The following AKAP13 variants were observed in gnomAD, a reference collection of about 807,000 sequenced individuals.
AKAP13 encodes A-kinase anchor protein 13.
In AKAP13, 80 loss-of-function variants were observed where a neutral mutation model predicts 264.5. That is an observed-to-expected ratio of 0.30 (90% confidence interval 0.25 to 0.36). The LOEUF is 0.36. Ranked by LOEUF, AKAP13 falls within the 10% of genes least tolerant of loss-of-function variation. AKAP13 has a pLI of 1.00. For missense variants in AKAP13, 3,712 were observed against 3,435.2 expected (o/e 1.08, Z -2.01); for synonymous variants, 1,380 against 1,250.2 (o/e 1.10, Z -2.19).
chr15:85,514,518 T>G (rs1165175541), intron 2 of AKAP13, among the ~76,000 whole-genome samples: 1 of 137,660 alleles, frequency 7.3e-6, no homozygotes, highest in Non-Finnish European at 1.5e-5. Flanking sequence ...CAGCCAAGTC[T>G]CTGAAGGGAC....
intron 1 of AKAP13, among the ~76,000 whole-genome samples, chr15:85,454,265 A>C (rs931436459): frequency 3.9e-5 from 6 of 152,206 alleles, no homozygotes; most frequent in Non-Finnish European, 7.3e-5. Context: ...ACGCATGCCA[A>C]GACTCCACAT....
chr15:85,733,732 C>G (rs1025871132), intron 30 of AKAP13, among the ~76,000 whole-genome samples: 1 of 151,870 alleles, frequency 6.6e-6, no homozygotes, highest in African/African-American at 2.4e-5. Context: ...GGTTAATTTG[C>G]TCTTATATTC....
chr15:85,527,119 C>T (rs771394361), intron 3 of AKAP13, among the ~76,000 whole-genome samples: 8 of 152,112 alleles, frequency 5.3e-5, no homozygotes, highest in Non-Finnish European at 1.0e-4. Context: ...CCCGCCACCA[C>T]GCCCGGCTAA....
intron 1 of AKAP13, among the ~76,000 whole-genome samples, chr15:85,384,566 A>T (rs536812172): frequency 1.2e-4 from 19 of 152,028 alleles, no homozygotes; most frequent in African/African-American, 3.9e-4. Flanking sequence ...AAAATACAAA[A>T]ACTAGCCCGG....
At chr15:85,737,328 C>T (rs1293256060) in intron 33 of AKAP13, among the ~76,000 whole-genome samples, 1 of 152,104 alleles carries the variant, frequency 6.6e-6, no homozygotes, top group Admixed American at 6.5e-5. Context: ...CCCCAGGACT[C>T]CTTGTTGTGA....
chr15:85,620,566 G>GC (rs1260194771), intron 8 of AKAP13, among the ~76,000 whole-genome samples: 1 of 151,482 alleles, frequency 6.6e-6, no homozygotes, highest in African/African-American at 2.4e-5. Context: ...CAGTCTCTCT[G>GC]CCTCTGTCTT....
At chr15:85,556,993 G>A (rs1201481679) in intron 5 of AKAP13, among the ~76,000 whole-genome samples, 1 of 152,194 alleles carries the variant, frequency 6.6e-6, no homozygotes, top group Non-Finnish European at 1.5e-5. Flanking sequence ...GGATTTTTGT[G>A]TATACACTTC....
intron 2 of AKAP13, among the ~76,000 whole-genome samples, chr15:85,501,425 T>C (rs1460504528): frequency 6.6e-6 from 1 of 152,220 alleles, no homozygotes; most frequent in Admixed American, 6.5e-5. Flanking sequence ...TTTTTAAAAA[T>C]GAAGTACCGA....
chr15:85,522,900 A>G (rs2076872046), intron 3 of AKAP13, among the ~76,000 whole-genome samples: 1 of 148,210 alleles, frequency 6.7e-6, no homozygotes, highest in Admixed American at 6.7e-5. Flanking sequence ...GAGGTCAGAT[A>G]CCAGCCACCC....
chr15:85,563,339 T>G (rs1399655307), intron 5 of AKAP13, among the ~76,000 whole-genome samples: 1 of 136,292 alleles, frequency 7.3e-6, no homozygotes, highest in Non-Finnish European at 1.6e-5. Context: ...GTTTTTTTTT[T>G]TTTTTTTTTT....
At chr15:85,728,886 G>C (rs1288649694) in intron 29 of AKAP13, among the ~76,000 whole-genome samples, 2 of 152,052 alleles carry the variant, frequency 1.3e-5, no homozygotes, top group Admixed American at 6.6e-5. Flanking sequence ...AGATAGTTAG[G>C]AGAGTTGCTT....
intron 1 of AKAP13, among the ~76,000 whole-genome samples, chr15:85,391,331 G>A (rs1356641407): frequency 1.3e-5 from 2 of 152,182 alleles, no homozygotes; most frequent in Non-Finnish European, 2.9e-5. Context: ...GAAAGATAAT[G>A]ACGTTTTTAT....
intron 1 of AKAP13, among the ~76,000 whole-genome samples, chr15:85,410,525 C>T (rs1471717785): frequency 6.6e-6 from 1 of 151,564 alleles, no homozygotes; most frequent in Non-Finnish European, 1.5e-5. Flanking sequence ...CCTTAACCCC[C>T]CTTTGCAGTT....
At chr15:85,394,704 G>C (rs1030221971) in intron 1 of AKAP13, among the ~76,000 whole-genome samples, 4 of 152,138 alleles carry the variant, frequency 2.6e-5, no homozygotes, top group African/African-American at 9.7e-5. Context: ...ATTTAGCTGG[G>C]TTCTGTCACA....
intron 4 of AKAP13, among the ~76,000 whole-genome samples, chr15:85,537,654 C>G (rs1383564832): frequency 6.6e-6 from 1 of 152,168 alleles, no homozygotes; most frequent in Non-Finnish European, 1.5e-5. Context: ...TTTGCTCTTA[C>G]AAAGTGGGAA....
chr15:85,464,306 G>C (rs776444057), intron 1 of AKAP13, among the ~76,000 whole-genome samples: 2 of 152,148 alleles, frequency 1.3e-5, no homozygotes, highest in Non-Finnish European at 2.9e-5. Flanking sequence ...AGGTAATACA[G>C]TCTAGAATTT....
chr15:85,566,841 G>T (rs911130545), intron 5 of AKAP13, among the ~76,000 whole-genome samples: 1 of 151,804 alleles, frequency 6.6e-6, no homozygotes, highest in Non-Finnish European at 1.5e-5. Flanking sequence ...TGTTAGCCAG[G>T]ATGGTCTCAA....
At chr15:85,734,739 C>G (rs1384627249) in intron 30 of AKAP13, among the ~76,000 whole-genome samples, 1 of 152,188 alleles carries the variant, frequency 6.6e-6, no homozygotes, top group Non-Finnish European at 1.5e-5. Context: ...GTAAATTACT[C>G]TGCCTTCCCT....
chr15:85,481,817 C>G (rs1745967733), intron 1 of AKAP13, among the ~76,000 whole-genome samples: 1 of 152,194 alleles, frequency 6.6e-6, no homozygotes, highest in Non-Finnish European at 1.5e-5. Flanking sequence ...ATGAAAGCAG[C>G]CTCAGTGAAC....
Sources: gnomAD v4.1 joint callset for allele counts (sites outside exome capture counted in the v4.1 genomes callset) on GRCh38, gnomAD v4.1.1 for gene constraint, MANE v1.5 for transcripts, NCBI Gene and HGNC (gene_info 2026-07-23, HGNC 2026-07-21) for gene names.